TASP1: variants seen among roughly 807,000 people sequenced by gnomAD.
The protein encoded by TASP1 is threonine aspartase 1.
TASP1 carries 16 observed loss-of-function variants against 56.6 expected under a neutral mutation model. The ratio of observed to expected loss-of-function variants is 0.28; its 90% CI spans 0.19 to 0.43. The LOEUF is 0.43. Ranked by LOEUF, TASP1 falls within the 20% of genes least tolerant of loss-of-function variation. The pLI is 1.00. For synonymous variants in TASP1, 179 were observed against 184.2 expected (o/e 0.97, Z 0.23); for missense variants, 393 against 511.6 (o/e 0.77, Z 2.24).
chr20:13,196,556 A>G, the TASP1 span, among the ~76,000 whole-genome samples: 1 of 152,186 alleles, frequency 6.6e-6, no homozygotes, highest in African/African-American at 2.4e-5. Context: ...CGCCAGCCAC[A>G]TAAGGATGTT....
chr20:13,601,868 CTTTTTTTTTTTTTT>C (rs61111564), intron 4 of TASP1, among the ~76,000 whole-genome samples: 2 of 53,556 alleles, frequency 3.7e-5, no homozygotes, highest in Non-Finnish European at 6.2e-5. Flanking sequence ...TAACCCCATT[CTTTTTTTTTTTTTT>C]TTTTTTTTTT....
chr20:13,274,675 C>G, the TASP1 span, among the ~76,000 whole-genome samples: 3 of 151,836 alleles, frequency 2.0e-5, no homozygotes, highest in South Asian at 4.2e-4. Context: ...TCCCCGCCCC[C>G]CCCGCGCCCG....
the TASP1 span, among the ~76,000 whole-genome samples, chr20:13,186,298 T>TC: frequency 6.6e-6 from 1 of 152,170 alleles, no homozygotes; most frequent in South Asian, 2.1e-4. Context: ...AGACCTACTT[T>TC]CCCGGGGGGA....
intron 8 of TASP1, among the ~76,000 whole-genome samples, chr20:13,544,657 C>G (rs1037397932): frequency 3.9e-5 from 6 of 152,206 alleles, no homozygotes; most frequent in Non-Finnish European, 7.3e-5. Flanking sequence ...GCAAAGAAAT[C>G]TCCTTTATAA....
chr20:13,399,293 T>C (rs988183855), intron 13 of TASP1, among the ~76,000 whole-genome samples: 12 of 152,348 alleles, frequency 7.9e-5, no homozygotes, highest in Middle Eastern at 3.4e-3. Context: ...AATGTTTATA[T>C]GCTGAGATTC....
chr20:13,433,811 AC>A (rs779279345), intron 12 of TASP1, among the ~76,000 whole-genome samples: 175 of 148,828 alleles, frequency 1.2e-3, no homozygotes, highest in Non-Finnish European at 1.4e-3. Flanking sequence ...AACTACCACA[AC>A]CCCCGTGGAT....
chr20:13,299,161 G>C, the TASP1 span: 6 of 1,610,304 alleles, frequency 3.7e-6, no homozygotes, highest in Non-Finnish European at 5.1e-6. The surrounding 1 kb of genome is among the most constrained non-coding windows in gnomAD (Gnocchi z 5.8). Context: ...CCCACTGCCC[G>C]GTACTGCATC....
intron 6 of TASP1, among the ~76,000 whole-genome samples, 167 bp downstream of exon 6, chr20:13,580,730 C>A (rs1176269641): frequency 1.3e-5 from 2 of 152,104 alleles, no homozygotes; most frequent in African/African-American, 2.4e-5. Flanking sequence ...CCATAATATT[C>A]TTTTCTATCC....
At chr20:13,252,935 C>A in the TASP1 span, among the ~76,000 whole-genome samples, 1 of 152,192 alleles carries the variant, frequency 6.6e-6, no homozygotes, top group South Asian at 2.1e-4. Flanking sequence ...CCCCAGCCCC[C>A]CCTCTCAGAT....
In TASP1 at chr20:13,454,629, G is replaced by A. The variant is rs368151348; in HGVS notation, c.986-19475C>T. Reference sequence around the variant, plus strand: ...ATGTGCGCAAGTGGTTACTAACCTCGACCTGTCATTTCAACCAGATTATTT... The same window carrying A: ...ATGTGCGCAAGTGGTTACTAACCTCAACCTGTCATTTCAACCAGATTATTT... On this transcript the variant is annotated intron_variant, in intron 11 of 13. Coordinates refer to ENST00000337743, the MANE Select transcript of TASP1 (RefSeq NM_017714.3). Among the ~76,000 whole-genome samples, 9 of 152,118 alleles carry A rather than the reference G, an allele frequency of 5.9e-5. No individual in the cohort carries two copies. In the East Asian group the frequency reaches 9.6e-4, roughly 16 times the overall value.
chr20:13,423,306 C>T (rs1206766207), intron 12 of TASP1, among the ~76,000 whole-genome samples: 1 of 152,150 alleles, frequency 6.6e-6, no homozygotes, highest in African/African-American at 2.4e-5. Context: ...AAACCCCACA[C>T]ATTGTCATTT....
At chr20:13,315,470 GT>G in the TASP1 span, among the ~76,000 whole-genome samples, 1 of 151,904 alleles carries the variant, frequency 6.6e-6, no homozygotes, top group Non-Finnish European at 1.5e-5. Flanking sequence ...AAAGGATCAA[GT>G]CTCCAAGAAG....
chr20:13,255,781 C>T, the TASP1 span, among the ~76,000 whole-genome samples: 2 of 152,166 alleles, frequency 1.3e-5, no homozygotes, highest in South Asian at 4.1e-4. Flanking sequence ...ACAAATTGTA[C>T]AATGTACATG....
chr20:13,287,159 A>C, the TASP1 span, among the ~76,000 whole-genome samples: 1 of 152,216 alleles, frequency 6.6e-6, no homozygotes, highest in Non-Finnish European at 1.5e-5. Context: ...GACATACCCG[A>C]GACTGGGTAA....
intron 13 of TASP1, among the ~76,000 whole-genome samples, chr20:13,415,929 A>G (rs2042239562): frequency 6.6e-6 from 1 of 152,210 alleles, no homozygotes; most frequent in Admixed American, 6.5e-5. Context: ...CTGTTAGGCA[A>G]GGATTCTTGG....
the TASP1 span, among the ~76,000 whole-genome samples, chr20:13,135,722 T>A: frequency 6.6e-4 from 101 of 152,366 alleles, no homozygotes; most frequent in African/African-American, 2.3e-3. Context: ...GTTGGAACGA[T>A]TCTAGCTATA....
At chr20:13,236,081 C>T in the TASP1 span, among the ~76,000 whole-genome samples, 1,259 of 152,114 alleles carry the variant, frequency 8.3e-3, 19 homozygotes, top group African/African-American at 0.029. Flanking sequence ...CCCACCACCA[C>T]GCACGGCTAA....
chr20:13,187,387 A>G, the TASP1 span, among the ~76,000 whole-genome samples: 3 of 152,056 alleles, frequency 2.0e-5, no homozygotes, highest in East Asian at 1.9e-4. Context: ...AGAACACTAT[A>G]AAGATAAATA....
At chr20:13,229,279 A>G in the TASP1 span, among the ~76,000 whole-genome samples, 1 of 152,212 alleles carries the variant, frequency 6.6e-6, no homozygotes, top group East Asian at 1.9e-4. Flanking sequence ...AAATTAGGAT[A>G]TAGAACATTC....
Sources: gnomAD v4.1 joint callset for allele counts (sites outside exome capture counted in the v4.1 genomes callset) on GRCh38, gnomAD v4.1.1 for gene constraint, Gnocchi (gnomAD v3.1) non-coding constraint, MANE v1.5 for transcripts, NCBI Gene and HGNC (gene_info 2026-07-23, HGNC 2026-07-21) for gene names.